PRKDC: variants seen among roughly 807,000 people sequenced by gnomAD.
PRKDC encodes the protein protein kinase, DNA-activated, catalytic subunit.
A neutral mutation model predicts 486.9 loss-of-function variants in PRKDC; 82 were observed. That is an observed-to-expected ratio of 0.17 (90% CI 0.14 to 0.20). The LOEUF (loss-of-function observed/expected upper bound fraction) is 0.20. Among genes scored for constraint, PRKDC ranks in the 10% least tolerant of loss-of-function variants. The probability of loss-of-function intolerance (pLI) is 1.00; values close to 1 mark genes in which losing one functional copy is unlikely to be tolerated. For synonymous variants in PRKDC, 1,895 were observed against 1,837.0 expected, an observed-to-expected ratio of 1.03 and a Z score of -0.81; for missense variants, 4,504 against 5,038.2, an observed-to-expected ratio of 0.89 and a Z score of 3.21.
At chr8:47,875,977 T>C (rs2089083844) in intron 40 of PRKDC, among the ~76,000 whole-genome samples, 1 of 152,178 alleles carries the variant, frequency 6.6e-6, no homozygotes, top group Admixed American at 6.5e-5. Flanking sequence ...ATCAAAAATA[T>C]TACGCTGAAC....
At chr8:47,789,791 C>G (rs2086855242) in intron 74 of PRKDC, among the ~76,000 whole-genome samples, 2 of 152,232 alleles carry the variant, frequency 1.3e-5, no homozygotes, top group East Asian at 3.9e-4. Flanking sequence ...TCAATCATAT[C>G]TACACAACAG....
At position 47,956,531 on chromosome 8, in the gene PRKDC, C is replaced by CA. The variant is rs1183428036; in HGVS notation, c.325-584dup. Among the ~76,000 whole-genome samples, 703 of 94,336 alleles carry CA rather than the reference C, an allele frequency of 7.5e-3. 3 individuals carry two copies. Among genetic ancestry groups the CA allele is most frequent in the Middle Eastern group, 0.049 (8 of 164 alleles). The allele number at this position is 94,336 out of a possible 152,430, so 61.9% of individuals were successfully genotyped here. The stretch of plus-strand genomic sequence containing the variant: ...GCAACAAGGCGAAACCCTGTCTCTA[C>CA]AAAAAAAAAAAAAAATACAAAAATT... On this transcript the variant is annotated intron_variant, in intron 3 of 85. Coordinates refer to ENST00000314191, the MANE Select transcript of PRKDC (RefSeq NM_006904.7).
chr8:47,814,664 T>G (rs534184242), intron 68 of PRKDC, among the ~76,000 whole-genome samples: 1 of 152,176 alleles, frequency 6.6e-6, no homozygotes, highest in Non-Finnish European at 1.5e-5. Context: ...TACAAATCAC[T>G]GAAATTAAAG....
intron 11 of PRKDC, among the ~76,000 whole-genome samples, chr8:47,937,039 A>T (rs1383565709): frequency 6.7e-6 from 1 of 148,786 alleles, no homozygotes; most frequent in African/African-American, 2.5e-5. Context: ...AGATCACTTG[A>T]GGTCACGAGT....
In PRKDC at chr8:47,952,985, CA is replaced by C. The variant is rs1265264512; in HGVS notation, c.721+634del. On this transcript the variant is annotated intron_variant, in intron 7 of 85. Coordinates refer to ENST00000314191, the MANE Select transcript of PRKDC (RefSeq NM_006904.7). ...TGAAACCCCATCTCTACTAAAAATA[CA>C]AAAAAAATTTGCCATTTAGTGGCGA... Among the ~76,000 whole-genome samples, 8 of 152,088 alleles carry C rather than the reference CA, an allele frequency of 5.3e-5. No homozygotes were observed. In the South Asian group the frequency reaches 1.5e-3, roughly 28 times the overall value.
intron 71 of PRKDC, among the ~76,000 whole-genome samples, chr8:47,799,686 A>T (rs1300788302): frequency 6.6e-6 from 1 of 152,200 alleles, no homozygotes; most frequent in Non-Finnish European, 1.5e-5. Flanking sequence ...CGGGAATATA[A>T]GAGGGAGATG....
intron 73 of PRKDC, among the ~76,000 whole-genome samples, chr8:47,795,500 T>C (rs2086966300): frequency 6.7e-6 from 1 of 149,852 alleles, no homozygotes; most frequent in South Asian, 2.1e-4. Context: ...TTTTTTTTTT[T>C]TTTTTCTTTT....
chr8:47,905,176 C>T (rs1257318496), intron 25 of PRKDC, among the ~76,000 whole-genome samples, 200 bp from the exon 26 acceptor site: 2 of 152,090 alleles, frequency 1.3e-5, no homozygotes, highest in African/African-American at 2.4e-5. Context: ...CAGGCATGTA[C>T]CACCACACCC....
At chr8:47,783,637 G>T in intron 78 of PRKDC, 105 bp downstream of exon 78, 1 of 1,071,860 alleles carries the variant, frequency 9.3e-7, no homozygotes, top group Non-Finnish European at 1.4e-6. Context: ...TGATATATCT[G>T]TGATCAACAT....
intron 7 of PRKDC, among the ~76,000 whole-genome samples, chr8:47,946,802 TTCTA>T (rs2090539358): frequency 1.3e-5 from 2 of 152,096 alleles, no homozygotes; most frequent in Non-Finnish European, 2.9e-5. Flanking sequence ...AAGGCCAGGT[TTCTA>T]CAAAAAACCC....
At chr8:47,810,841 A>G (rs1342428231) in intron 68 of PRKDC, among the ~76,000 whole-genome samples, 1 of 152,226 alleles carries the variant, frequency 6.6e-6, no homozygotes, top group Non-Finnish European at 1.5e-5. Flanking sequence ...AAAGAAAATA[A>G]CAGTAAGATT....
rs1216372345 is a variant in PRKDC at position 47,862,065 on chromosome 8, A to C, written c.5982T>G (p.Val1994=). Reference sequence around the variant, plus strand: ...TAACATTGAAAATTTCACTCACCTCAACTTCTACAGGAAAATTATAGCGGC... The same window carrying C: ...TAACATTGAAAATTTCACTCACCTCCACTTCTACAGGAAAATTATAGCGGC... ...LKRRYNFPVE[V]EVPMERKKKY... Residue 1994 remains valine (V), a synonymous_variant, in exon 44 of 86, where the codon GTT becomes GTG. Coordinates refer to ENST00000314191, the MANE Select transcript of PRKDC (RefSeq NM_006904.7). The C allele has an allele frequency of 1.3e-6, 2 of 1,549,900 alleles. No individual in the cohort carries two copies. Among genetic ancestry groups the C allele is most frequent in the Admixed American group, 3.9e-5 (2 of 51,248 alleles).
chr8:47,823,905 C>T lies in PRKDC; in HGVS notation c.8875G>A (p.Ala2959Thr), dbSNP rs760037440. ...TCAGAATAATCACTTCTGGCTTCTG[C>T]TAATAATGCACTCTGAGTGATTTGC... ...TKQITQSALLAEARSDYSEAA... is the reference protein window; with the variant it reads ...TKQITQSALLTEARSDYSEAA... The change falls in exon 64 of 86, where the codon GCA becomes ACA. Residue 2959 changes from alanine (A) to threonine (T), a missense_variant. This residue lies in a region of PRKDC where 1,592 missense variants were observed against 1,724.6 expected (regional missense o/e 0.92). Coordinates refer to ENST00000314191, the MANE Select transcript of PRKDC (RefSeq NM_006904.7). The T allele has an allele frequency of 6.2e-7, 1 of 1,613,904 alleles. No individual in the cohort carries two copies. Among genetic ancestry groups the T allele is most frequent in the South Asian group, 1.1e-5 (1 of 91,072 alleles).
chr8:47,787,284 T>G (rs944723939), intron 76 of PRKDC, among the ~76,000 whole-genome samples: 5 of 152,250 alleles, frequency 3.3e-5, no homozygotes, highest in Admixed American at 6.5e-5. Context: ...ACGTGCTCTA[T>G]TTTAAGACAA....
At chr8:47,784,883 T>C (rs2086764859) in intron 77 of PRKDC, among the ~76,000 whole-genome samples, 1 of 152,202 alleles carries the variant, frequency 6.6e-6, no homozygotes, top group South Asian at 2.1e-4. Flanking sequence ...ATCTGAACTT[T>C]TGTCAGAATC....
At chr8:47,896,600 T>C (rs903208269) in intron 30 of PRKDC, among the ~76,000 whole-genome samples, 1 of 143,230 alleles carries the variant, frequency 7.0e-6, no homozygotes, top group Non-Finnish European at 1.5e-5. Context: ...TGAGCTGAGA[T>C]AGCGCCACTG....
intron 25 of PRKDC, among the ~76,000 whole-genome samples, chr8:47,908,102 C>T (rs941895547): frequency 2.6e-5 from 4 of 152,216 alleles, no homozygotes; most frequent in Non-Finnish European, 4.4e-5. Context: ...TCACTCAATC[C>T]GAGCCCAGCT....
intron 74 of PRKDC, 119 bp downstream of exon 74, chr8:47,794,171 T>C (rs1002482187): frequency 1.3e-5 from 11 of 823,524 alleles, no homozygotes; most frequent in Non-Finnish European, 2.1e-5. Context: ...GCTAAGATTA[T>C]TCTTCAATGA....
chr8:47,950,667 T>C (rs2090613439), intron 7 of PRKDC, among the ~76,000 whole-genome samples: 1 of 150,066 alleles, frequency 6.7e-6, no homozygotes, highest in Admixed American at 6.6e-5. Context: ...TAAAAAGTTA[T>C]ATTTGTCCTT....
Sources: gnomAD v4.1 joint callset for allele counts (sites outside exome capture counted in the v4.1 genomes callset) on GRCh38, gnomAD v4.1.1 for gene constraint, gnomAD v4.1.1 regional missense constraint, MANE v1.5 for transcripts, NCBI Gene and HGNC (gene_info 2026-07-23, HGNC 2026-07-21) for gene names.